Variants in CCSER1 observed in about 807,000 individuals in gnomAD.
The protein encoded by CCSER1 is serine-rich coiled-coil domain-containing protein 1.
A neutral mutation model predicts 82.0 loss-of-function variants in CCSER1; 41 were observed. That is an observed-to-expected ratio of 0.50 (90% CI 0.39 to 0.65). CCSER1 has a LOEUF of 0.65. CCSER1 is among the 30% of genes least tolerant of loss of function. The pLI is 0.00. For missense variants in CCSER1, 1,119 were observed against 1,064.2 expected (o/e 1.05, Z -0.72); for synonymous variants, 414 against 383.9 (o/e 1.08, Z -0.92).
chr4:90,870,377 GT>G (rs925553573), intron 8 of CCSER1, among the ~76,000 whole-genome samples: 2 of 151,658 alleles, frequency 1.3e-5, no homozygotes, highest in Non-Finnish European at 3.0e-5. Context: ...TATTTACCCA[GT>G]TTTTTTAGGA....
chr4:91,158,260 C>T (rs1024927966), intron 10 of CCSER1, among the ~76,000 whole-genome samples: 3 of 151,848 alleles, frequency 2.0e-5, no homozygotes, highest in African/African-American at 7.2e-5. Context: ...CTATTTTATG[C>T]TTTCTTTTTG....
intron 10 of CCSER1, among the ~76,000 whole-genome samples, chr4:91,187,801 C>T (rs1024949794): frequency 1.3e-5 from 2 of 152,200 alleles, no homozygotes; most frequent in Non-Finnish European, 2.9e-5. Context: ...GATGCACCCG[C>T]CTTGGCCTCC....
intron 9 of CCSER1, among the ~76,000 whole-genome samples, chr4:90,947,776 T>TTCA (rs1732432711): frequency 6.6e-6 from 1 of 152,140 alleles, no homozygotes; most frequent in Non-Finnish European, 1.5e-5. Flanking sequence ...AGACTGTAAG[T>TTCA]GACAAGTATA....
chr4:91,518,044 C>G (rs1431902596), intron 10 of CCSER1, among the ~76,000 whole-genome samples: 2 of 152,148 alleles, frequency 1.3e-5, no homozygotes, highest in Non-Finnish European at 1.5e-5. Flanking sequence ...CAGCCATGCT[C>G]CCTCTGAGGG....
chr4:91,319,745 A>G (rs780464581), intron 10 of CCSER1: 7 of 455,402 alleles, frequency 1.5e-5, no homozygotes, highest in African/African-American at 6.0e-5. Context: ...CAGAAGCACC[A>G]TTTGTTAATC....
At chr4:90,270,127 C>A (rs7654079) in intron 1 of CCSER1, among the ~76,000 whole-genome samples, 6,984 of 152,078 alleles carry the variant, frequency 0.046, 417 homozygotes, top group African/African-American at 0.14. Flanking sequence ...TGCAACTACT[C>A]CAAATATTAT....
intron 10 of CCSER1, among the ~76,000 whole-genome samples, chr4:91,117,463 A>G (rs1481918845): frequency 1.3e-5 from 2 of 152,232 alleles, no homozygotes; most frequent in Non-Finnish European, 2.9e-5. Context: ...CATTCTTAGA[A>G]TAGTATCTGA....
intron 10 of CCSER1, among the ~76,000 whole-genome samples, chr4:91,466,676 G>A (rs1184056408): frequency 6.6e-6 from 1 of 152,136 alleles, no homozygotes; most frequent in Non-Finnish European, 1.5e-5. Context: ...CAAAATCAAT[G>A]TGCAAAAATC....
At chr4:90,155,230 C>T (rs558095320) in intron 1 of CCSER1, among the ~76,000 whole-genome samples, 2 of 152,210 alleles carry the variant, frequency 1.3e-5, no homozygotes, top group East Asian at 1.9e-4. Context: ...GGGATGAACC[C>T]ACTTGATCAT....
rs1373917913 is a variant in CCSER1 at position 91,017,030 on chromosome 4, C to T, written c.2173-68920C>T. 5 of 151,980 alleles carry T rather than the reference C, an allele frequency of 3.3e-5. No individual in the cohort carries two copies. The South Asian group carries it at 6.2e-4, about 19-fold the overall frequency. 9.4% of individuals were successfully genotyped at this position (151,980 alleles called of 1,614,324 possible). A position where few individuals can be genotyped will look rare whatever the true frequency, so the allele number is the denominator to read the frequency against. Reference sequence around the variant, plus strand: ...CTAAGTCTGAAAAGTACCTGCCTCCCGAGGAGACTTAATATTGGAGTAATA... The same window carrying T: ...CTAAGTCTGAAAAGTACCTGCCTCCTGAGGAGACTTAATATTGGAGTAATA... On this transcript the variant is annotated intron_variant, in intron 9 of 10. Transcript: ENST00000509176.
At chr4:91,519,117 C>A (rs1002435536) in intron 10 of CCSER1, among the ~76,000 whole-genome samples, 9 of 152,298 alleles carry the variant, frequency 5.9e-5, no homozygotes, top group East Asian at 1.9e-4. Context: ...CAGGTGGGGG[C>A]AGGGTAGATG....
chr4:90,506,595 TC>T (rs1770719637), intron 5 of CCSER1, among the ~76,000 whole-genome samples: 1 of 151,956 alleles, frequency 6.6e-6, no homozygotes, highest in African/African-American at 2.4e-5. Context: ...AAACCCTGTC[TC>T]TACTAAAAAA....
At chr4:91,507,086 A>G (rs142029870) in intron 10 of CCSER1, among the ~76,000 whole-genome samples, 3 of 152,202 alleles carry the variant, frequency 2.0e-5, no homozygotes, top group African/African-American at 7.2e-5. Flanking sequence ...CGAAACTTTT[A>G]ATTACATTTA....
chr4:90,634,333 A>G lies in CCSER1; in HGVS notation c.1932+6101A>G, dbSNP rs528461841. Among the ~76,000 whole-genome samples, 245 of 151,800 alleles carry G rather than the reference A, an allele frequency of 1.6e-3. 2 individuals are homozygous for G. The highest frequency in any genetic ancestry group is 5.5e-3 in the African/African-American group (229 of 41,520). ...GCCATTGATTAAAGAGCTGGAATCT[A>G]TTTTTCTTTTTCTTTTCTCTACTAC... On this transcript the variant is annotated intron_variant, in intron 6 of 10. Transcript: ENST00000509176.
intron 10 of CCSER1, among the ~76,000 whole-genome samples, chr4:91,390,818 T>G (rs1751601770): frequency 6.6e-6 from 1 of 152,080 alleles, no homozygotes; most frequent in African/African-American, 2.4e-5. Context: ...GCGGATTATG[T>G]TCTCCAAGGA....
At chr4:90,800,460 T>G (rs1481016273) in intron 7 of CCSER1, among the ~76,000 whole-genome samples, 1 of 152,130 alleles carries the variant, frequency 6.6e-6, no homozygotes, top group African/African-American at 2.4e-5. Context: ...TGTAAACAAT[T>G]TCTTACCTTG....
intron 1 of CCSER1, among the ~76,000 whole-genome samples, chr4:90,276,210 CTTTCTTTCTT>C (rs1727551936): frequency 1.5e-5 from 1 of 66,592 alleles, no homozygotes; most frequent in Admixed American, 1.8e-4. Flanking sequence ...TTCTTTCTTT[CTTTCTTTCTT>C]TCTTTCTTTC....
chr4:90,155,176 T>A (rs77223880), intron 1 of CCSER1, among the ~76,000 whole-genome samples: 5,584 of 152,312 alleles, frequency 0.037, 169 homozygotes, highest in Non-Finnish European at 0.055. Flanking sequence ...ATACGCTGGA[T>A]TACATTTATT....
intron 8 of CCSER1, among the ~76,000 whole-genome samples, chr4:90,899,634 A>G (rs1724296820): frequency 6.6e-6 from 1 of 152,158 alleles, no homozygotes. Context: ...TTTGATGCCT[A>G]GATTGTTGAG....
Sources: gnomAD v4.1 joint callset for allele counts (sites outside exome capture counted in the v4.1 genomes callset) on GRCh38, gnomAD v4.1.1 for gene constraint, MANE v1.5 for transcripts, NCBI Gene and HGNC (gene_info 2026-07-23, HGNC 2026-07-21) for gene names.